Variants in RASGRF2 observed in about 807,000 individuals in gnomAD.
RASGRF2 encodes the protein ras-specific guanine nucleotide-releasing factor 2.
Under a neutral mutation model 151.0 loss-of-function variants are expected in RASGRF2, and 76 were observed. That is an observed-to-expected ratio of 0.50 (90% confidence interval 0.42 to 0.61). RASGRF2 has a LOEUF of 0.61. RASGRF2 is among the 20% of genes least tolerant of loss of function. The pLI is 0.00. For synonymous variants in RASGRF2, 504 were observed against 566.5 expected, an observed-to-expected ratio of 0.89 and a Z score of 1.57; for missense variants, 1,148 against 1,564.6, an observed-to-expected ratio of 0.73 and a Z score of 4.49.
At chr5:81,224,893 G>A (rs896774416) in intron 26 of RASGRF2, among the ~76,000 whole-genome samples, 4 of 152,228 alleles carry the variant, frequency 2.6e-5, no homozygotes, top group Admixed American at 6.5e-5. Flanking sequence ...CAGATTGACC[G>A]AGTAGGTGCA....
At chr5:81,051,139 T>A (rs1750996296) in intron 2 of RASGRF2, among the ~76,000 whole-genome samples, 1 of 152,218 alleles carries the variant, frequency 6.6e-6, no homozygotes. Context: ...AGTTTTTAAA[T>A]AAGCTCTTTG....
At chr5:81,224,257 T>C (rs955036699) in intron 26 of RASGRF2, among the ~76,000 whole-genome samples, 3 of 152,246 alleles carry the variant, frequency 2.0e-5, no homozygotes. Context: ...GGACATCGTT[T>C]TCACTTATCG....
intron 1 of RASGRF2, among the ~76,000 whole-genome samples, chr5:80,976,131 C>CCACG (rs566498889): frequency 2.0e-5 from 3 of 152,154 alleles, no homozygotes; most frequent in Non-Finnish European, 4.4e-5. Context: ...GGTGTAACCA[C>CCACG]CACGCCCGGC....
intron 12 of RASGRF2, 75 bp from the exon 13 acceptor site, chr5:81,108,921 T>C (rs1001595678): frequency 1.3e-6 from 2 of 1,521,726 alleles, no homozygotes; most frequent in Non-Finnish European, 1.8e-6. Context: ...TTCTTTTAGC[T>C]ATAAACAATT....
intron 26 of RASGRF2, among the ~76,000 whole-genome samples, chr5:81,220,687 C>G (rs1347681453): frequency 6.6e-6 from 1 of 152,188 alleles, no homozygotes; most frequent in Non-Finnish European, 1.5e-5. Context: ...CCAGGATGGT[C>G]TTGAACTCCT....
At chr5:81,003,816 G>A (rs1485848679) in intron 1 of RASGRF2, among the ~76,000 whole-genome samples, 3 of 152,206 alleles carry the variant, frequency 2.0e-5, no homozygotes, top group Non-Finnish European at 2.9e-5. Context: ...TAAAGAAATA[G>A]AATGTCTGCT....
chr5:81,003,796 A>C (rs1264365786), intron 1 of RASGRF2, among the ~76,000 whole-genome samples: 1 of 152,248 alleles, frequency 6.6e-6, no homozygotes, highest in African/African-American at 2.4e-5. Context: ...CTGAGGCTGA[A>C]CTACAGACCT....
At chr5:81,170,364 G>T (rs1754632039) in intron 17 of RASGRF2, among the ~76,000 whole-genome samples, 2 of 152,204 alleles carry the variant, frequency 1.3e-5, no homozygotes, top group South Asian at 4.1e-4. Context: ...GATTCCCTTG[G>T]GCAAAACCCG....
chr5:81,204,282 A>G (rs1347576246), intron 19 of RASGRF2: 1 of 152,196 alleles, frequency 6.6e-6, no homozygotes, highest in Non-Finnish European at 1.5e-5. Flanking sequence ...ATCTGAAGGG[A>G]AAGAATTCTG....
chr5:81,102,630 G>C (rs1043544331), intron 12 of RASGRF2, among the ~76,000 whole-genome samples: 1 of 151,730 alleles, frequency 6.6e-6, no homozygotes, highest in African/African-American at 2.4e-5. Flanking sequence ...AGGATGTGGA[G>C]GTTGCAGTGA....
intron 1 of RASGRF2, among the ~76,000 whole-genome samples, chr5:80,993,447 C>T (rs1054135689): frequency 6.6e-6 from 1 of 152,148 alleles, no homozygotes; most frequent in Admixed American, 6.5e-5. Flanking sequence ...CTCATCACTC[C>T]GTTTCCTAAT....
intron 7 of RASGRF2, among the ~76,000 whole-genome samples, chr5:81,084,386 A>G (rs1752169023): frequency 6.6e-6 from 1 of 152,234 alleles, no homozygotes; most frequent in Non-Finnish European, 1.5e-5. Context: ...AGGAGACTTC[A>G]TCAAGTGGGA....
At chr5:81,138,876 T>C (rs144364186) in intron 17 of RASGRF2, among the ~76,000 whole-genome samples, 1 of 152,168 alleles carries the variant, frequency 6.6e-6, no homozygotes, top group African/African-American at 2.4e-5. Flanking sequence ...TCTTGTATTA[T>C]GGATGGATAT....
chr5:81,086,060 G>A (rs1752220220), intron 8 of RASGRF2, 149 bp downstream of exon 8: 2 of 1,336,106 alleles, frequency 1.5e-6, no homozygotes, highest in Admixed American at 5.5e-5. Context: ...AGCTTGTGAG[G>A]TGATATTGAA....
At chr5:81,143,658 G>A (rs1414600015) in intron 17 of RASGRF2, among the ~76,000 whole-genome samples, 5 of 151,858 alleles carry the variant, frequency 3.3e-5, no homozygotes, top group African/African-American at 4.8e-5. Context: ...TTGGGAGGCC[G>A]AGGCGGGCGG....
chr5:81,074,125 C>T (rs889500266), intron 5 of RASGRF2, among the ~76,000 whole-genome samples: 3 of 152,066 alleles, frequency 2.0e-5, no homozygotes, highest in Non-Finnish European at 2.9e-5. Flanking sequence ...AAGACAGGAC[C>T]TGAGAAGCTC....
intron 1 of RASGRF2, among the ~76,000 whole-genome samples, chr5:81,025,923 G>A (rs13180940): frequency 0.2 from 30,384 of 151,260 alleles, 3,448 homozygotes; most frequent in African/African-American, 0.3. Context: ...TTTTTTGCAC[G>A]ATTAAACAAA....
At chr5:81,006,192 C>G (rs1331930038) in intron 1 of RASGRF2, among the ~76,000 whole-genome samples, 1 of 152,164 alleles carries the variant, frequency 6.6e-6, no homozygotes, top group Non-Finnish European at 1.5e-5. Context: ...CCAAGGACAT[C>G]TACTTTAATA....
intron 18 of RASGRF2, among the ~76,000 whole-genome samples, chr5:81,189,072 G>T (rs1249893119): frequency 6.6e-6 from 1 of 152,214 alleles, no homozygotes; most frequent in Non-Finnish European, 1.5e-5. Flanking sequence ...AAAGGCTGGT[G>T]CAGGGAGGAG....
Sources: gnomAD v4.1 joint callset for allele counts (sites outside exome capture counted in the v4.1 genomes callset) on GRCh38, gnomAD v4.1.1 for gene constraint, MANE v1.5 for transcripts, NCBI Gene and HGNC (gene_info 2026-07-23, HGNC 2026-07-21) for gene names.